LENG9: variants seen among roughly 807,000 people sequenced by gnomAD.
The protein encoded by LENG9 is leukocyte receptor cluster (LRC) member 9.
For missense variants in LENG9, 872 were observed against 652.7 expected (o/e 1.34, Z -3.66); for synonymous variants, 410 against 303.9 (o/e 1.35, Z -3.63).
chr19:54,463,155 G>A lies in LENG9; in HGVS notation c.372C>T (p.Arg124=). ...GGCCACGGAAGCGGAAGAAGCGCAC[G>A]CGGTGCTGGGGCACTGCCAGCACGC... is the stretch of plus-strand genomic sequence containing the variant. ...GPGVLAVPQH[R]VRFFRFRGRL... is the part of the protein sequence containing the mutation. The change falls in exon 1 of 1, where the codon CGC becomes CGT. Residue 124 remains arginine, a synonymous_variant. Coordinates refer to ENST00000611161, the MANE Select transcript of LENG9 (RefSeq NM_001301782.2). 1 of 1,590,574 alleles carries A rather than the reference G, an allele frequency of 6.3e-7. No homozygotes were observed. Among genetic ancestry groups the A allele is most frequent in the Non-Finnish European group, 8.5e-7 (1 of 1,174,436 alleles).
In LENG9 at chr19:54,463,720, T is replaced by G. The variant is rs897269041; in HGVS notation, c.-194A>C. Reference sequence around the variant, plus strand: ...TCCTTGGTGGAGAGCCTGACACCGCTGCTCTGGGACTTCCCGGCTGCGCCC... The same window carrying G: ...TCCTTGGTGGAGAGCCTGACACCGCGGCTCTGGGACTTCCCGGCTGCGCCC... On this transcript the variant is annotated 5_prime_UTR_variant, in exon 1 of 1. Coordinates refer to ENST00000611161, the MANE Select transcript of LENG9 (RefSeq NM_001301782.2). 1.4e-6 allele frequency: 1 copy of G among 712,626 alleles called. No homozygotes were observed. Among genetic ancestry groups the G allele is most frequent in the African/African-American group, 1.9e-5 (1 of 53,474 alleles). 44.1% of individuals were successfully genotyped at this position (712,626 alleles called of 1,614,324 possible).
rs1319309625 is a variant in LENG9, at chr19:54,461,790, CT to C, written c.*299del. 3.2e-6 allele frequency: 2 copies of C among 628,368 alleles called. No individual in the cohort carries two copies. Among genetic ancestry groups the C allele is most frequent in the East Asian group, 3.5e-5 (1 of 28,774 alleles). 38.9% of individuals were successfully genotyped at this position (628,368 alleles called of 1,614,324 possible). A position where few individuals can be genotyped will look rare whatever the true frequency, so the allele number is the denominator to read the frequency against. On this transcript the variant is annotated 3_prime_UTR_variant, in exon 1 of 1. Transcript: ENST00000611161. ...TAAGTTATTTTTCTTCCTCCTCTCC[CT>C]TTTCTTTTTGGCCCTCCCTCCCTCC... is the stretch of plus-strand genomic sequence containing the variant.
In LENG9 at chr19:54,462,285, T is replaced by C. The variant is rs1043868555; in HGVS notation, c.1242A>G (p.Thr414=). The change falls in exon 1 of 1, where the codon ACA becomes ACG. Residue 414 remains threonine (T), a synonymous_variant. Transcript: ENST00000611161. ...GGTGCAGCTGCCCTGGAGACTGTAG[T>C]GTACTCAGCCCCTCGGCTTCCAGCC... ...SQRLEAEGLS[T]LQSPGQLHPH... 5 of 1,604,624 alleles carry C rather than the reference T, an allele frequency of 3.1e-6. No individual in the cohort carries two copies. Among genetic ancestry groups the C allele is most frequent in the Non-Finnish European group, 4.3e-6 (5 of 1,174,062 alleles).
Position 54,461,837 on chromosome 19 carries a change from A to C in LENG9, c.*253T>G. 1.7e-6 allele frequency: 1 copy of C among 592,280 alleles called. No homozygotes were observed. The allele number at this position is 592,280 out of a possible 1,614,324, so 36.7% of individuals were successfully genotyped here. A position where few individuals can be genotyped will look rare whatever the true frequency, so the allele number is the denominator to read the frequency against. On this transcript the variant is annotated 3_prime_UTR_variant, in exon 1 of 1. Transcript: ENST00000611161. The stretch of plus-strand genomic sequence containing the variant: ...CCTCCCTCTTCTGCCATGTAACTGG[A>C]GGATGTGCTATGAGTTTGCAAACAG...
rs1312800695 is a variant in LENG9 at position 54,463,694 on chromosome 19, C to T, written c.-168G>A. The T allele has an allele frequency of 1.4e-5, 13 of 927,110 alleles. No individual in the cohort carries two copies. The highest frequency in any genetic ancestry group is 1.8e-5 in the Non-Finnish European group (13 of 703,906). The allele number at this position is 927,110 out of a possible 1,614,324, so 57.4% of individuals were successfully genotyped here. On this transcript the variant is annotated 5_prime_UTR_variant, in exon 1 of 1. Coordinates refer to ENST00000611161, the MANE Select transcript of LENG9 (RefSeq NM_001301782.2). ...CCTCGCGAGGACTCTGGCCCAGTCC[C>T]TCCTTGGTGGAGAGCCTGACACCGC...
At position 54,462,081 on chromosome 19, in the gene LENG9, C is replaced by T. The variant is rs760529998; in HGVS notation, c.*9G>A. 14 of 1,557,752 alleles carry T rather than the reference C, an allele frequency of 9.0e-6. No individual in the cohort carries two copies. Among genetic ancestry groups the T allele is most frequent in the Non-Finnish European group, 1.1e-5 (13 of 1,153,346 alleles). ...TGCATCCATTGTCTCCTCCAGAGGT[C>T]TGGGGGTGTCACTCCAGGGGGATCT... On this transcript the variant is annotated 3_prime_UTR_variant, in exon 1 of 1. Coordinates refer to ENST00000611161, the MANE Select transcript of LENG9 (RefSeq NM_001301782.2).
In LENG9 at chr19:54,462,341, G is replaced by A. The variant is rs772019752; in HGVS notation, c.1186C>T (p.Leu396=). ...CTCAGCACTTGTGCCATGCTTTCCA[G>A]TGTGGGAGAGGGTGGGGCACACAGC... The part of the protein sequence containing the change: ...HVLCAPPSPT[L]ESMAQVLSQR... The change falls in exon 1 of 1, where the codon CTG becomes TTG. Residue 396 remains leucine, a synonymous_variant. Coordinates refer to ENST00000611161, the MANE Select transcript of LENG9 (RefSeq NM_001301782.2). The A allele has an allele frequency of 6.2e-6, 10 of 1,609,256 alleles. No individual in the cohort carries two copies. The highest frequency in any genetic ancestry group is 7.6e-6 in the Non-Finnish European group (9 of 1,176,768).
Position 54,462,015 on chromosome 19 carries a change from AGC to A in LENG9, c.*73_*74del. The A allele has an allele frequency of 6.8e-7, 1 of 1,462,244 alleles. No homozygotes were observed. Among genetic ancestry groups the A allele is most frequent in the South Asian group, 1.3e-5 (1 of 77,354 alleles). 90.6% of individuals were successfully genotyped at this position (1,462,244 alleles called of 1,614,324 possible). A position where few individuals can be genotyped will look rare whatever the true frequency, so the allele number is the denominator to read the frequency against. ...ACCAAAATTAAAGAGAGAAAGAGAG[AGC>A]GTGCACGCTCCTGCTTTGTCTTTCC... On this transcript the variant is annotated 3_prime_UTR_variant, in exon 1 of 1. Coordinates refer to ENST00000611161, the MANE Select transcript of LENG9 (RefSeq NM_001301782.2).
Position 54,462,587 on chromosome 19 carries a change from C to T in LENG9, c.940G>A (p.Val314Met). The change falls in exon 1 of 1, where the codon GTG becomes ATG. Residue 314 changes from valine to methionine, a missense_variant. Coordinates refer to ENST00000611161, the MANE Select transcript of LENG9 (RefSeq NM_001301782.2). ...ACCAGGTATTCCTGGGCCTTGGTCA[C>T]TTCTGCTTGTAGCCCAGGCTCGGTC... ...MVTEPGLQAE[V>M]TKAQEYLVHV... 1 of 1,613,828 alleles carries T rather than the reference C, an allele frequency of 6.2e-7. No homozygotes were observed. The highest frequency in any genetic ancestry group is 1.7e-5 in the Admixed American group (1 of 60,028).
Position 54,462,008 on chromosome 19 carries a change from AAGAG to A in LENG9, c.*78_*81del, listed in dbSNP as rs751705318. 552 of 1,448,964 alleles carry A rather than the reference AAGAG, an allele frequency of 3.8e-4. 2 individuals are homozygous for A. Among genetic ancestry groups the A allele is most frequent in the Middle Eastern group, 1.5e-3 (8 of 5,516 alleles). The allele number at this position is 1,448,964 out of a possible 1,614,324, so 89.8% of individuals were successfully genotyped here. A position where few individuals can be genotyped will look rare whatever the true frequency, so the allele number is the denominator to read the frequency against. ...GAGAGAAACCAAAATTAAAGAGAGA[AAGAG>A]AGAGCGTGCACGCTCCTGCTTTGTC... On this transcript the variant is annotated 3_prime_UTR_variant, in exon 1 of 1. Coordinates refer to ENST00000611161, the MANE Select transcript of LENG9 (RefSeq NM_001301782.2).
Position 54,462,431 on chromosome 19 carries a change from C to A in LENG9, c.1096G>T (p.Ala366Ser). 2 of 1,613,498 alleles carry A rather than the reference C, an allele frequency of 1.2e-6. No homozygotes were observed. Among genetic ancestry groups the A allele is most frequent in the South Asian group, 1.1e-5 (1 of 91,078 alleles). ...AIGALRRALLAPGLNAPPRLS... is the reference protein window; with the variant it reads ...AIGALRRALLSPGLNAPPRLS... Reference sequence around the variant, plus strand: ...CGAGGGGGTGCATTTAGCCCCGGGGCCAAGAGGGCCCGTCTCAGAGCTCCA... The same window carrying A: ...CGAGGGGGTGCATTTAGCCCCGGGGACAAGAGGGCCCGTCTCAGAGCTCCA... The change falls in exon 1 of 1, where the codon GCC becomes TCC. Residue 366 changes from alanine (A) to serine (S), a missense_variant. Coordinates refer to ENST00000611161, the MANE Select transcript of LENG9 (RefSeq NM_001301782.2).
At position 54,463,094 on chromosome 19, in the gene LENG9, C is replaced by T. The variant is rs746265817; in HGVS notation, c.433G>A (p.Val145Ile). 1.2e-6 allele frequency: 2 copies of T among 1,602,706 alleles called. No homozygotes were observed. The highest frequency in any genetic ancestry group is 2.2e-5 in the East Asian group (1 of 44,844). ...CCCGCCGCCGAGCCAGAGCCAAAGA[C>T]GAGGTCGGTGCGCGAGGCGCGGTCC... Reference protein sequence around the residue: ...VWDRASRTDLVFGSGSAAGRG... With the variant: ...VWDRASRTDLIFGSGSAAGRG... The change falls in exon 1 of 1, where the codon GTC (valine) becomes ATC (isoleucine). Residue 145 changes from valine (V) to isoleucine (I), a missense_variant. Val to Ile is a conservative substitution (Grantham distance 29). Coordinates refer to ENST00000611161, the MANE Select transcript of LENG9 (RefSeq NM_001301782.2).
Position 54,462,121 on chromosome 19 carries a change from A to T in LENG9, c.1406T>A (p.Phe469Tyr). ...CAGGGGGATCTCAGCCAGGGGCTGG[A>T]AAGGCCCCCCTGTCCTCCCTATACG... Reference protein sequence around the residue: ...LCRIGRTGGPFQPLAEIPLE With the variant: ...LCRIGRTGGPYQPLAEIPLE Residue 469 changes from phenylalanine to tyrosine, a missense_variant, in exon 1 of 1, where the codon TTC (phenylalanine) becomes TAC (tyrosine). Transcript: ENST00000611161. 2 of 1,576,704 alleles carry T rather than the reference A, an allele frequency of 1.3e-6. No individual in the cohort carries two copies. The highest frequency in any genetic ancestry group is 2.3e-5 in the South Asian group (2 of 86,936).
At position 54,462,732 on chromosome 19, in the gene LENG9, G is replaced by GC. The variant is rs767665481; in HGVS notation, c.794dup (p.Ser266LeufsTer3). ...ACTCGGCTTCTGTCGTCTCAGCGGA[G>GC]CCCCCCGGGACTCCCAGGGCCTGTG... On this transcript the variant is annotated frameshift_variant, in exon 1 of 1. Coordinates refer to ENST00000611161, the MANE Select transcript of LENG9 (RefSeq NM_001301782.2). LOFTEE classifies it low-confidence loss of function (END_TRUNC). 1.3e-5 allele frequency: 21 copies of GC among 1,610,690 alleles called. No individual in the cohort carries two copies. Among genetic ancestry groups the GC allele is most frequent in the Middle Eastern group, 3.3e-4 (2 of 6,056 alleles).
In LENG9 at chr19:54,463,232, C is replaced by T; in HGVS notation, c.295G>A (p.Glu99Lys). 6.5e-7 allele frequency: 1 copy of T among 1,546,392 alleles called. No individual in the cohort carries two copies. Among genetic ancestry groups the T allele is most frequent in the Non-Finnish European group, 8.7e-7 (1 of 1,152,164 alleles). The change falls in exon 1 of 1, where the codon GAG becomes AAG. Residue 99 changes from glutamate to lysine, a missense_variant. Physicochemically the swap from Glu to Lys is moderately conservative, Grantham distance 56. Transcript: ENST00000611161. Reference sequence around the variant, plus strand: ...TCCCAGCAAAAGGCGCTGAAGGGCTCCTCGCGCACACCCAGAAAGCGGTCG... The same window carrying T: ...TCCCAGCAAAAGGCGCTGAAGGGCTTCTCGCGCACACCCAGAAAGCGGTCG... ...YVDRFLGVRE[E>K]PFSAFCWDQP...
Position 54,461,849 on chromosome 19 carries a change from G to T in LENG9, c.*241C>A. The T allele has an allele frequency of 1.6e-5, 8 of 508,850 alleles. No individual in the cohort carries two copies. Among genetic ancestry groups the T allele is most frequent in the East Asian group, 5.5e-5 (1 of 18,100 alleles). 31.5% of individuals were successfully genotyped at this position (508,850 alleles called of 1,614,324 possible). ...GCCATGTAACTGGAGGATGTGCTAT[G>T]AGTTTGCAAACAGCTGGACTGTCAG... On this transcript the variant is annotated 3_prime_UTR_variant, in exon 1 of 1. Coordinates refer to ENST00000611161, the MANE Select transcript of LENG9 (RefSeq NM_001301782.2).
rs1167238225 is a variant in LENG9 at position 54,463,582 on chromosome 19, C to T, written c.-56G>A. 1 of 1,346,186 alleles carries T rather than the reference C, an allele frequency of 7.4e-7. No individual in the cohort carries two copies. 83.4% of individuals were successfully genotyped at this position (1,346,186 alleles called of 1,614,324 possible). On this transcript the variant is annotated 5_prime_UTR_variant, in exon 1 of 1. Coordinates refer to ENST00000611161, the MANE Select transcript of LENG9 (RefSeq NM_001301782.2). ...AGACGAGGTCGCCCCGCACGGAGGGCGGCTCCCCTTGGATGCACCGAGCCT... is the reference window on the plus strand; with the variant it reads ...AGACGAGGTCGCCCCGCACGGAGGGTGGCTCCCCTTGGATGCACCGAGCCT...
Position 54,462,024 on chromosome 19 carries a change from G to A in LENG9, c.*66C>T, listed in dbSNP as rs140400734. The A allele has an allele frequency of 1.3e-4, 191 of 1,498,422 alleles. No individual in the cohort carries two copies. The African/African-American group carries it at 2.0e-3, about 15-fold the overall frequency. 92.8% of individuals were successfully genotyped at this position (1,498,422 alleles called of 1,614,324 possible). A position where few individuals can be genotyped will look rare whatever the true frequency, so the allele number is the denominator to read the frequency against. ...AAAGAGAGAAAGAGAGAGCGTGCAC[G>A]CTCCTGCTTTGTCTTTCCTGTGTGG... On this transcript the variant is annotated 3_prime_UTR_variant, in exon 1 of 1. Coordinates refer to ENST00000611161, the MANE Select transcript of LENG9 (RefSeq NM_001301782.2).
rs371280650 is a variant in LENG9, at chr19:54,462,096, C to T, written c.1431G>A (p.Leu477=). 1.3e-6 allele frequency: 2 copies of T among 1,565,242 alleles called. No homozygotes were observed. Among genetic ancestry groups the T allele is most frequent in the Non-Finnish European group, 1.7e-6 (2 of 1,155,786 alleles). The change falls in exon 1 of 1, where the codon CTG becomes CTA. Residue 477 remains leucine, a synonymous_variant. Transcript: ENST00000611161. ...CTCCAGAGGTCTGGGGGTGTCACTC[C>T]AGGGGGATCTCAGCCAGGGGCTGGA... ...GPFQPLAEIP[L]E
Sources: gnomAD v4.1 joint callset for allele counts on GRCh38, gnomAD v4.1.1 for gene constraint, MANE v1.5 for transcripts, NCBI Gene and HGNC (gene_info 2026-07-23, HGNC 2026-07-21) for gene names.